Variants in SNTG1 observed in about 807,000 individuals in gnomAD.
The protein encoded by SNTG1 is syntrophin gamma 1, also known as gamma-1-syntrophin.
SNTG1 carries 39 observed loss-of-function variants against 74.7 expected under a neutral mutation model. That is an observed-to-expected ratio of 0.52 (90% CI 0.40 to 0.68). SNTG1 has a LOEUF of 0.68. SNTG1 is among the 30% of genes least tolerant of loss of function. The probability of loss-of-function intolerance (pLI) is 0.00; values close to 1 mark genes in which losing one functional copy is unlikely to be tolerated. For missense variants in SNTG1, 685 were observed against 609.5 expected (o/e 1.12, Z -1.30); for synonymous variants, 254 against 217.1 (o/e 1.17, Z -1.49).
At chr8:50,541,242 CCT>C (rs1491489876) in intron 11 of SNTG1, among the ~76,000 whole-genome samples, 5 of 106,356 alleles carry the variant, frequency 4.7e-5, no homozygotes, top group Non-Finnish European at 8.7e-5. Context: ...TAAGATTTTA[CCT>C]GTGTGTGTGT....
chr8:50,648,959 A>G (rs997780405), intron 13 of SNTG1, among the ~76,000 whole-genome samples: 1 of 152,206 alleles, frequency 6.6e-6, no homozygotes, highest in African/African-American at 2.4e-5. Context: ...ATTTGAATCA[A>G]ATCATATATA....
chr8:49,939,248 CAT>C (rs1294344329), intron 1 of SNTG1, among the ~76,000 whole-genome samples: 2 of 152,150 alleles, frequency 1.3e-5, no homozygotes, highest in Non-Finnish European at 2.9e-5. Context: ...GGTATAAATT[CAT>C]ATGTTGGCAA....
At chr8:50,612,118 T>C (rs952778940) in intron 13 of SNTG1, among the ~76,000 whole-genome samples, 4 of 152,188 alleles carry the variant, frequency 2.6e-5, no homozygotes, top group African/African-American at 9.6e-5. Context: ...GAGCATAATG[T>C]TCATTGTAGT....
intron 2 of SNTG1, among the ~76,000 whole-genome samples, chr8:50,280,689 T>C (rs961803563): frequency 1.3e-5 from 2 of 152,132 alleles, no homozygotes; most frequent in African/African-American, 4.8e-5. Context: ...TAAGTTATTA[T>C]CTAAAGACCT....
At position 50,092,912 on chromosome 8, in the gene SNTG1, C is replaced by G. The variant is rs866417626; in HGVS notation, c.-102-79649C>G. On this transcript the variant is annotated intron_variant, in intron 1 of 18. Coordinates refer to ENST00000642720, the MANE Select transcript of SNTG1 (RefSeq NM_018967.5). Reference sequence around the variant, plus strand: ...TATTGGGAGAGAGTGTAATTCAATACAGTAAAAGTATTATAATTTACATTC... The same window carrying G: ...TATTGGGAGAGAGTGTAATTCAATAGAGTAAAAGTATTATAATTTACATTC... 5.3e-5 allele frequency among the ~76,000 whole-genome samples: 8 copies of G among 152,158 alleles called. No homozygotes were observed. In the South Asian group the frequency reaches 1.0e-3, roughly 20 times the overall value.
chr8:50,679,997 G>A (rs979608948), intron 15 of SNTG1, among the ~76,000 whole-genome samples: 5 of 152,132 alleles, frequency 3.3e-5, no homozygotes, highest in African/African-American at 1.2e-4. Context: ...TGGGCCTTCT[G>A]TTGCATGGAA....
intron 1 of SNTG1, among the ~76,000 whole-genome samples, chr8:49,938,577 C>CTTTTG (rs1424217147): frequency 3.9e-5 from 1 of 25,364 alleles, no homozygotes; most frequent in Non-Finnish European, 8.7e-5. Context: ...CTTTTCTTTT[C>CTTTTG]TTTTCTTTTC....
chr8:50,266,533 T>C (rs2087474519), intron 2 of SNTG1, among the ~76,000 whole-genome samples: 1 of 151,614 alleles, frequency 6.6e-6, no homozygotes, highest in Admixed American at 6.6e-5. Context: ...TGCAATGACT[T>C]CTTATGACAT....
chr8:50,231,038 A>G, intron 2 of SNTG1, among the ~76,000 whole-genome samples: 1 of 151,328 alleles, frequency 6.6e-6, no homozygotes, highest in East Asian at 1.9e-4. Flanking sequence ...AACTCAACTA[A>G]CTCTAAAGAA....
At chr8:50,067,332 T>G (rs566878499) in intron 1 of SNTG1, among the ~76,000 whole-genome samples, 73 of 152,316 alleles carry the variant, frequency 4.8e-4, no homozygotes, top group African/African-American at 1.8e-3. Flanking sequence ...ACACACCATT[T>G]AACTTTCAAT....
intron 2 of SNTG1, among the ~76,000 whole-genome samples, chr8:50,275,119 A>C (rs951501792): frequency 6.6e-6 from 1 of 152,096 alleles, no homozygotes; most frequent in Non-Finnish European, 1.5e-5. Context: ...AGGGATTTTA[A>C]AGAATTGGTG....
chr8:50,092,803 C>T (rs1158337163), intron 1 of SNTG1, among the ~76,000 whole-genome samples: 1 of 152,116 alleles, frequency 6.6e-6, no homozygotes, highest in Non-Finnish European at 1.5e-5. Flanking sequence ...TATTATTCGA[C>T]AGTCTCTGTG....
intron 4 of SNTG1, 85 bp downstream of exon 4, chr8:50,402,429 T>C: frequency 2.1e-6 from 3 of 1,460,340 alleles, no homozygotes; most frequent in Non-Finnish European, 1.8e-6. Flanking sequence ...TTTAAATATG[T>C]TTTTCTTTCA....
At chr8:49,965,803 T>A (rs1289311214) in intron 1 of SNTG1, among the ~76,000 whole-genome samples, 1 of 152,190 alleles carries the variant, frequency 6.6e-6, no homozygotes, top group African/African-American at 2.4e-5. Context: ...TCCTCCTCTT[T>A]TATCTATTTT....
At chr8:50,595,656 C>T (rs1041896448) in intron 13 of SNTG1, among the ~76,000 whole-genome samples, 1 of 151,890 alleles carries the variant, frequency 6.6e-6, no homozygotes, top group African/African-American at 2.4e-5. Flanking sequence ...CCTGAGGGAG[C>T]GGGGAACAAA....
chr8:50,794,237 T>C lies in SNTG1; in HGVS notation c.*1408T>C, dbSNP rs140235559. On this transcript the variant is annotated 3_prime_UTR_variant, in exon 19 of 19. Coordinates refer to ENST00000642720, the MANE Select transcript of SNTG1 (RefSeq NM_018967.5). ...TTGATTCAATTTTTTTTTTCAAATA[T>C]GTTTTTAAAAATCACTCAAGAAGGA... The C allele has an allele frequency of 2.5e-4, 38 of 152,006 alleles. No homozygotes were observed. Among genetic ancestry groups the C allele is most frequent in the Admixed American group, 6.6e-4 (10 of 15,202 alleles). The allele number at this position is 152,006 out of a possible 1,614,324, so 9.4% of individuals were successfully genotyped here. A position where few individuals can be genotyped will look rare whatever the true frequency, so the allele number is the denominator to read the frequency against.
At chr8:50,722,120 A>G (rs1246664650) in intron 17 of SNTG1, among the ~76,000 whole-genome samples, 1 of 151,876 alleles carries the variant, frequency 6.6e-6, no homozygotes, top group African/African-American at 2.4e-5. Context: ...GTATGTATGT[A>G]TATATATACA....
At chr8:50,599,444 C>T (rs748392600) in intron 13 of SNTG1, among the ~76,000 whole-genome samples, 2 of 152,002 alleles carry the variant, frequency 1.3e-5, no homozygotes, top group Admixed American at 1.3e-4. Flanking sequence ...CTGTAGATTG[C>T]TTTGGGTAGT....
At chr8:49,944,759 C>T (rs1210361355) in intron 1 of SNTG1, among the ~76,000 whole-genome samples, 1 of 151,272 alleles carries the variant, frequency 6.6e-6, no homozygotes, top group African/African-American at 2.4e-5. Flanking sequence ...TCTACTTCAC[C>T]TTTAGTTAAT....
Sources: gnomAD v4.1 joint callset for allele counts (sites outside exome capture counted in the v4.1 genomes callset) on GRCh38, gnomAD v4.1.1 for gene constraint, MANE v1.5 for transcripts, NCBI Gene and HGNC (gene_info 2026-07-23, HGNC 2026-07-21) for gene names.